Variants in PTPRZ1 observed in about 807,000 individuals in gnomAD.
PTPRZ1 encodes receptor-type tyrosine-protein phosphatase zeta.
A neutral mutation model predicts 214.1 loss-of-function variants in PTPRZ1; 82 were observed. The observed-to-expected ratio is 0.38, with a 90% CI of 0.32 to 0.46. The LOEUF is 0.46. Ranked by LOEUF, PTPRZ1 falls within the 20% of genes least tolerant of loss-of-function variation. The probability of loss-of-function intolerance (pLI) is 1.00; values close to 1 mark genes in which losing one functional copy is unlikely to be tolerated. For synonymous variants in PTPRZ1, 945 were observed against 987.9 expected (o/e 0.96, Z 0.81); for missense variants, 2,603 against 2,748.7 (o/e 0.95, Z 1.19).
At chr7:121,970,138 T>A (rs1326367127) in intron 3 of PTPRZ1, among the ~76,000 whole-genome samples, 1 of 152,098 alleles carries the variant, frequency 6.6e-6, no homozygotes. Flanking sequence ...AACTCATCAT[T>A]TTTTATGGCT....
At chr7:121,959,009 G>A (rs1276610778) in intron 2 of PTPRZ1, among the ~76,000 whole-genome samples, 1 of 152,114 alleles carries the variant, frequency 6.6e-6, no homozygotes, top group Non-Finnish European at 1.5e-5. Context: ...ATTTTTAGTA[G>A]AGGCGGGGTT....
intron 1 of PTPRZ1, among the ~76,000 whole-genome samples, chr7:121,903,361 C>A (rs1241312492): frequency 6.6e-6 from 1 of 152,056 alleles, no homozygotes. Context: ...AAGCTGTTGT[C>A]ATGTTCATTA....
intron 8 of PTPRZ1, among the ~76,000 whole-genome samples, chr7:121,994,350 A>G (rs1798069846): frequency 8.7e-6 from 1 of 114,626 alleles, no homozygotes. Flanking sequence ...GCTGGAGTGC[A>G]GTGGCGCAAT....
At chr7:121,889,795 G>A (rs1215265047) in intron 1 of PTPRZ1, among the ~76,000 whole-genome samples, 2 of 152,226 alleles carry the variant, frequency 1.3e-5, no homozygotes, top group Non-Finnish European at 2.9e-5. Flanking sequence ...CAGTGCCTTT[G>A]ACGTTGGTAC....
At chr7:121,929,593 G>A (rs1160445807) in intron 2 of PTPRZ1, among the ~76,000 whole-genome samples, 1 of 150,776 alleles carries the variant, frequency 6.6e-6, no homozygotes, top group Non-Finnish European at 1.5e-5. Flanking sequence ...AGATCACAAG[G>A]TCAGGAGTTC....
chr7:121,981,988 A>G (rs2116562791), intron 6 of PTPRZ1, among the ~76,000 whole-genome samples: 1 of 152,258 alleles, frequency 6.6e-6, no homozygotes, highest in East Asian at 1.9e-4. Context: ...TTAGGTTATG[A>G]TGATAATTTT....
chr7:122,050,288 C>A (rs1429028346), intron 23 of PTPRZ1, among the ~76,000 whole-genome samples: 1 of 151,222 alleles, frequency 6.6e-6, no homozygotes, highest in East Asian at 2.0e-4. Context: ...ATAAAAAATA[C>A]CAAAATTAGC....
chr7:121,963,291 G>A (rs759735637), intron 2 of PTPRZ1, among the ~76,000 whole-genome samples: 2 of 152,178 alleles, frequency 1.3e-5, no homozygotes, highest in Admixed American at 6.5e-5. Flanking sequence ...AAGAAGTCAG[G>A]ACAGGCTGCT....
intron 22 of PTPRZ1, 77 bp downstream of exon 22, chr7:122,042,820 A>G: frequency 6.9e-7 from 1 of 1,455,904 alleles, no homozygotes; most frequent in South Asian, 1.2e-5. Context: ...TTCATCTCCT[A>G]GGACTGCAAA....
Position 121,967,988 on chromosome 7 carries a change from A to C in PTPRZ1, c.162A>C (p.Pro54=). 6.3e-7 allele frequency: 1 copy of C among 1,591,914 alleles called. No homozygotes were observed. The change falls in exon 3 of 30, where the codon CCA becomes CCC. Residue 54 remains proline (P), a synonymous_variant. Coordinates refer to ENST00000393386, the MANE Select transcript of PTPRZ1 (RefSeq NM_002851.3). ...LNQKNWGKKY[P]TCNSPKQSPI... ...AAAAAAATTGGGGAAAGAAATATCC[A>C]ACATGTAATAGCCCAAAACAATCTC...
intron 2 of PTPRZ1, among the ~76,000 whole-genome samples, chr7:121,948,060 G>C (rs1339178862): frequency 1.3e-5 from 2 of 152,030 alleles, no homozygotes; most frequent in African/African-American, 4.8e-5. Context: ...TTACCTGCCT[G>C]TTCAGAGAAC....
intron 1 of PTPRZ1, among the ~76,000 whole-genome samples, chr7:121,914,859 C>T (rs1397330839): frequency 1.3e-5 from 2 of 152,122 alleles, no homozygotes; most frequent in East Asian, 3.9e-4. Context: ...CATTTATTCA[C>T]TCATGTGCCA....
At chr7:122,058,412 A>G (rs1473604688) in intron 27 of PTPRZ1, among the ~76,000 whole-genome samples, 1 of 152,000 alleles carries the variant, frequency 6.6e-6, no homozygotes, top group Non-Finnish European at 1.5e-5. Context: ...AGGATTACTG[A>G]TAAGTGAAGA....
At chr7:121,934,210 C>T (rs570048221) in intron 2 of PTPRZ1, among the ~76,000 whole-genome samples, 12 of 152,066 alleles carry the variant, frequency 7.9e-5, no homozygotes, top group African/African-American at 2.4e-4. Flanking sequence ...TTCAACTTAA[C>T]GTGAATTAAT....
intron 1 of PTPRZ1, among the ~76,000 whole-genome samples, chr7:121,896,788 AAG>A (rs1794798453): frequency 6.6e-6 from 1 of 152,002 alleles, no homozygotes; most frequent in South Asian, 2.1e-4. Flanking sequence ...AAAAAAAAAA[AAG>A]AAACAAGAAC....
chr7:122,022,162 C>G lies in PTPRZ1; in HGVS notation c.4988+2894C>G, dbSNP rs188961863. Among the ~76,000 whole-genome samples, 16 of 152,230 alleles carry G rather than the reference C, an allele frequency of 1.1e-4. No homozygotes were observed. The East Asian group carries it at 2.9e-3, about 28-fold the overall frequency. On this transcript the variant is annotated intron_variant, in intron 13 of 29. Transcript: ENST00000393386. ...ATTTTTCCAAGTTTATATATTTAAACTTTTTTAAACAGCTTAATTAGGTAA... is the reference window on the plus strand; with the variant it reads ...ATTTTTCCAAGTTTATATATTTAAAGTTTTTTAAACAGCTTAATTAGGTAA...
At position 122,012,786 on chromosome 7, in the gene PTPRZ1, C is replaced by G. The variant is rs762766072; in HGVS notation, c.3740C>G (p.Ser1247Trp). 1 of 1,611,370 alleles carries G rather than the reference C, an allele frequency of 6.2e-7. No individual in the cohort carries two copies. Among genetic ancestry groups the G allele is most frequent in the Non-Finnish European group, 8.5e-7 (1 of 1,177,596 alleles). Residue 1247 changes from serine (S) to tryptophan (W), a missense_variant, in exon 12 of 30, where the codon TCG (serine) becomes TGG (tryptophan). Ser to Trp is a radical substitution (Grantham distance 177, BLOSUM62 -3). Coordinates refer to ENST00000393386, the MANE Select transcript of PTPRZ1 (RefSeq NM_002851.3). ...ACATCTGTACCAGTTTTTGATGTGT[C>G]GCCTACTTCTCATATGCACTCTGCT... ...HSTSVPVFDVSPTSHMHSASL... is the reference protein window; with the variant it reads ...HSTSVPVFDVWPTSHMHSASL...
At chr7:121,908,631 C>T (rs1053547687) in intron 1 of PTPRZ1, 2 of 404,768 alleles carry the variant, frequency 4.9e-6, no homozygotes, top group Non-Finnish European at 9.4e-6. Context: ...TTACAAGTAA[C>T]CATACTTCAA....
At chr7:122,059,994 CATTAGTATGTAGTTTTCAAGCTGA>C (rs879093544) in intron 29 of PTPRZ1, 106 bp downstream of exon 29, 4 of 1,110,170 alleles carry the variant, frequency 3.6e-6, no homozygotes, top group Non-Finnish European at 5.0e-6. Flanking sequence ...TAACTGATAA[CATTAGTATGTAGTTTTCAAGCTGA>C]ATTACAAGTC....
Sources: gnomAD v4.1 joint callset for allele counts (sites outside exome capture counted in the v4.1 genomes callset) on GRCh38, gnomAD v4.1.1 for gene constraint, MANE v1.5 for transcripts, NCBI Gene and HGNC (gene_info 2026-07-23, HGNC 2026-07-21) for gene names.